EP400: variants seen among roughly 807,000 people sequenced by gnomAD.
The protein encoded by EP400 is E1A binding protein p400.
In EP400, 105 loss-of-function variants were observed where a neutral mutation model predicts 354.1. That is an observed-to-expected ratio of 0.30 (90% CI 0.25 to 0.35). The LOEUF is 0.35. Among genes scored for constraint, EP400 ranks in the 10% least tolerant of loss-of-function variants. The pLI is 1.00. For missense variants in EP400, 3,280 were observed against 4,121.0 expected (o/e 0.80, Z 5.59); for synonymous variants, 1,646 against 1,716.9 (o/e 0.96, Z 1.02).
rs1358184849 is a variant in EP400 at position 132,052,904 on chromosome 12, G to A, written c.7395-242G>A. Reference sequence around the variant, plus strand: ...CCACAAGTACGCTGGGGACGTGTTCGGAGATACTTTTCCTGGAGAGTGGGA... The same window carrying A: ...CCACAAGTACGCTGGGGACGTGTTCAGAGATACTTTTCCTGGAGAGTGGGA... On this transcript the variant is annotated intron_variant, in intron 41 of 52. Coordinates refer to ENST00000389561, the MANE Select transcript of EP400 (RefSeq NM_015409.5). This position sits in a 1 kb window ranked among gnomAD's most constrained non-coding sequence, Gnocchi z 4.4. Among the ~76,000 whole-genome samples, 2 of 152,084 alleles carry A rather than the reference G, an allele frequency of 1.3e-5. No homozygotes were observed. The highest frequency in any genetic ancestry group is 2.9e-5 in the Non-Finnish European group (2 of 68,014).
At position 132,050,528 on chromosome 12, in the gene EP400, G is replaced by A. The variant is rs1172245255; in HGVS notation, c.7337+69G>A. On this transcript the variant is annotated intron_variant, in intron 40 of 52. Transcript: ENST00000389561. This position sits in a 1 kb window ranked among gnomAD's most constrained non-coding sequence, Gnocchi z 4.8. ...AGATTGCGTGAAGCTTGGTTTTGAT[G>A]TGTTTTTAACATACCCTTCTTCAGA... 1 of 1,612,886 alleles carries A rather than the reference G, an allele frequency of 6.2e-7. No individual in the cohort carries two copies. The highest frequency in any genetic ancestry group is 8.5e-7 in the Non-Finnish European group (1 of 1,178,960).
At position 132,013,789 on chromosome 12, in the gene EP400, T is replaced by C; in HGVS notation, c.3799T>C (p.Phe1267Leu). Reference protein sequence around the residue: ...VIRLHRVTQPFILRRTKRDVE... With the variant: ...VIRLHRVTQPLILRRTKRDVE... ...TTTTTATTTTCAGGTGACACAGCCA[T>C]TTATTTTGAGGAGAACTAAGAGAGA... Residue 1267 changes from phenylalanine (F) to leucine (L), a missense_variant, in exon 19 of 53, where the codon TTT becomes CTT. By Grantham distance (22) the Phe-to-Leu change is conservative. Around this residue, in one of 20 missense-constraint regions of EP400, gnomAD observed 242 missense variants for 357.9 expected, o/e 0.68. Coordinates refer to ENST00000389561, the MANE Select transcript of EP400 (RefSeq NM_015409.5). This position sits in a 1 kb window ranked among gnomAD's most constrained non-coding sequence, Gnocchi z 4.5. 1 of 1,613,642 alleles carries C rather than the reference T, an allele frequency of 6.2e-7. No individual in the cohort carries two copies. Among genetic ancestry groups the C allele is most frequent in the Non-Finnish European group, 8.5e-7 (1 of 1,179,858 alleles).
chr12:131,965,201 C>T (rs1032088608), intron 2 of EP400, among the ~76,000 whole-genome samples: 2 of 152,232 alleles, frequency 1.3e-5, no homozygotes, highest in Non-Finnish European at 2.9e-5. Flanking sequence ...TTAACTCTGA[C>T]CACTTCGTTA....
Position 132,006,714 on chromosome 12 carries a change from T to C in EP400, c.3141T>C (p.Ala1047=), listed in dbSNP as rs983902272. 1.3e-6 allele frequency: 2 copies of C among 1,596,128 alleles called. No individual in the cohort carries two copies. The highest frequency in any genetic ancestry group is 1.7e-6 in the Non-Finnish European group (2 of 1,173,364). Residue 1047 remains alanine (A), a synonymous_variant, in exon 15 of 53, where the codon GCT becomes GCC. Coordinates refer to ENST00000389561, the MANE Select transcript of EP400 (RefSeq NM_015409.5). ...ARVTTSVKFN[A]PSLLYGALRD... ...CATCACTGCAGGTCAAGTTTAATGC[T>C]CCATCTTTGTTGTATGGGGCTCTCA...
rs11246888 is a variant in EP400, at chr12:131,990,391, G to A, written c.2551-245G>A. On this transcript the variant is annotated intron_variant, in intron 8 of 52. Coordinates refer to ENST00000389561, the MANE Select transcript of EP400 (RefSeq NM_015409.5). The surrounding 1 kb of genome is among the most constrained non-coding windows in gnomAD (Gnocchi z 4.2). ...CAGGGTTAGCGTGAGTCACCACCACGGTTACTTCTAGAGCGGTCGCTCGCT... is the reference window on the plus strand; with the variant it reads ...CAGGGTTAGCGTGAGTCACCACCACAGTTACTTCTAGAGCGGTCGCTCGCT... Among the ~76,000 whole-genome samples, 3,427 of 152,258 alleles carry A rather than the reference G, an allele frequency of 0.023. 56 individuals carry two copies. The highest frequency in any genetic ancestry group is 0.035 in the Non-Finnish European group (2,414 of 68,018).
chr12:131,966,662 C>T (rs955198749), intron 2 of EP400, among the ~76,000 whole-genome samples: 21 of 149,444 alleles, frequency 1.4e-4, no homozygotes, highest in Non-Finnish European at 3.0e-5. Flanking sequence ...CCAGCACTTT[C>T]GGAGGCTGAG....
intron 1 of EP400, among the ~76,000 whole-genome samples, chr12:131,952,556 T>C (rs182697360): frequency 6.6e-6 from 1 of 152,208 alleles, no homozygotes; most frequent in Non-Finnish European, 1.5e-5. Flanking sequence ...TGTGACTTCT[T>C]GAGCTCAAGT....
rs756238646 is a variant in EP400, at chr12:132,069,549, G to A, written c.8929G>A (p.Ala2977Thr). The A allele has an allele frequency of 4.3e-6, 7 of 1,614,102 alleles. No individual in the cohort carries two copies. Among genetic ancestry groups the A allele is most frequent in the Admixed American group, 3.3e-5 (2 of 60,010 alleles). ...PGAQQKVAYA[A>T]QPALKTQFLT... ...CGCGCAGCAGAAGGTTGCCTACGCC[G>A]CGCAGCCGGCCCTTAAGACCCAGTT... Residue 2977 changes from alanine (A) to threonine (T), a missense_variant, in exon 51 of 53, where the codon GCG (alanine) becomes ACG (threonine). Physicochemically the swap from Ala to Thr is moderately conservative, Grantham distance 58. This residue lies in a region of EP400 where 279 missense variants were observed against 386.7 expected (regional missense o/e 0.72). Coordinates refer to ENST00000389561, the MANE Select transcript of EP400 (RefSeq NM_015409.5).
rs1356715976 is a variant in EP400, at chr12:132,044,310, T to C, written c.6584T>C (p.Met2195Thr). Residue 2195 changes from methionine to threonine, a missense_variant and splice_region_variant, in exon 35 of 53, where the codon ATG becomes ACG. Met to Thr is a moderately conservative substitution (Grantham distance 81). Around this residue, in one of 20 missense-constraint regions of EP400, gnomAD observed 231 missense variants for 257.9 expected, o/e 0.90. Coordinates refer to ENST00000389561, the MANE Select transcript of EP400 (RefSeq NM_015409.5). ...LTYTREDAYS[M>T]EYVYEDVDGQ... ...TACACGCGAGAGGATGCCTACAGCA[T>C]GGTACCCGGCCCGGGGCCCTCCTGC... 1.2e-6 allele frequency: 2 copies of C among 1,612,782 alleles called. No homozygotes were observed. Among genetic ancestry groups the C allele is most frequent in the Non-Finnish European group, 1.7e-6 (2 of 1,179,238 alleles).
chr12:131,964,732 T>G (rs1892015551), intron 2 of EP400, among the ~76,000 whole-genome samples: 1 of 152,240 alleles, frequency 6.6e-6, no homozygotes, highest in South Asian at 2.1e-4. Context: ...AAACATCATA[T>G]CCTATTCTTT....
intron 36 of EP400, 36 bp from the exon 37 acceptor site, chr12:132,044,764 G>A (rs1326151203): frequency 1.5e-5 from 25 of 1,614,026 alleles, no homozygotes; most frequent in Non-Finnish European, 2.1e-5. Flanking sequence ...CTTCCTGTGA[G>A]TTCCACATCT....
At position 132,044,504 on chromosome 12, in the gene EP400, CAGTT is replaced by C. The variant is rs375940757; in HGVS notation, c.6586-164_6586-161del. ...TTAAAAATTGACACTTGGAGATTGTCAGTTAGATATTGACCAGCTCTGATTAAAA... is the reference window on the plus strand; with the variant it reads ...TTAAAAATTGACACTTGGAGATTGTCAGATATTGACCAGCTCTGATTAAAA... On this transcript the variant is annotated intron_variant, in intron 35 of 52. Coordinates refer to ENST00000389561, the MANE Select transcript of EP400 (RefSeq NM_015409.5). Among the ~76,000 whole-genome samples the C allele has an allele frequency of 2.1e-4, 32 of 152,240 alleles. No homozygotes were observed. In the East Asian group the frequency reaches 2.5e-3, roughly 12 times the overall value.
chr12:132,043,837 C>T (rs1894993843), intron 34 of EP400, 109 bp downstream of exon 34: 3 of 1,009,232 alleles, frequency 3.0e-6, no homozygotes, highest in Non-Finnish European at 4.4e-6. Flanking sequence ...AAAGCCAAAA[C>T]CCACAAGTAT....
In EP400 at chr12:132,077,580, C is replaced by T. The variant is rs138013052; in HGVS notation, c.9279C>T (p.Pro3093=). Residue 3093 remains proline, a synonymous_variant, in exon 53 of 53, where the codon CCC becomes CCT. Coordinates refer to ENST00000389561, the MANE Select transcript of EP400 (RefSeq NM_015409.5). ...TPGAPNPAQV[P]ASSDSPSQQP... The stretch of plus-strand genomic sequence containing the variant: ...GCGCTCCCAACCCAGCCCAGGTGCC[C>T]GCCAGCTCCGACAGCCCAAGCCAGC... 702 of 1,613,702 alleles carry T rather than the reference C, an allele frequency of 4.4e-4. 2 individuals carry two copies. Among genetic ancestry groups the T allele is most frequent in the Non-Finnish European group, 5.3e-4 (629 of 1,179,928 alleles).
rs947665312 is a variant in EP400, at chr12:132,070,478, G to C, written c.9021+837G>C. On this transcript the variant is annotated intron_variant, in intron 51 of 52. Coordinates refer to ENST00000389561, the MANE Select transcript of EP400 (RefSeq NM_015409.5). This position sits in a 1 kb window ranked among gnomAD's most constrained non-coding sequence, Gnocchi z 4.1. Reference sequence around the variant, plus strand: ...GTCCCACGGCGCTCTCGCTATGAGCGGCAGTGACACTTGGTGTCTGGAGGG... The same window carrying C: ...GTCCCACGGCGCTCTCGCTATGAGCCGCAGTGACACTTGGTGTCTGGAGGG... Among the ~76,000 whole-genome samples the C allele has an allele frequency of 1.3e-5, 2 of 152,252 alleles. No individual in the cohort carries two copies. The highest frequency in any genetic ancestry group is 2.9e-5 in the Non-Finnish European group (2 of 68,040).
rs1478051234 is a variant in EP400 at position 132,017,123 on chromosome 12, A to G, written c.3924-412A>G. On this transcript the variant is annotated intron_variant, in intron 19 of 52. Coordinates refer to ENST00000389561, the MANE Select transcript of EP400 (RefSeq NM_015409.5). The surrounding 1 kb of genome is among the most constrained non-coding windows in gnomAD (Gnocchi z 5.0). The stretch of plus-strand genomic sequence containing the variant: ...AGGGCATGGACCTGGGTCCTCGTCT[A>G]CCCCCGCTCACTGCCTGCAGGGCCA... Among the ~76,000 whole-genome samples the G allele has an allele frequency of 3.3e-5, 5 of 151,704 alleles. No individual in the cohort carries two copies. The highest frequency in any genetic ancestry group is 1.2e-4 in the African/African-American group (5 of 41,268).
Position 131,995,781 on chromosome 12 carries a change from T to C in EP400, c.2827+825T>C, listed in dbSNP as rs112104951. ...AGCTTGACTGAATGTACCGTTCATC[T>C]TGAGTGTGTGAGAACTTCATGTGAA... On this transcript the variant is annotated intron_variant, in intron 12 of 52. Coordinates refer to ENST00000389561, the MANE Select transcript of EP400 (RefSeq NM_015409.5). Among the ~76,000 whole-genome samples, 490 of 100,482 alleles carry C rather than the reference T, an allele frequency of 4.9e-3. 2 individuals are homozygous for C. The highest frequency in any genetic ancestry group is 0.015 in the African/African-American group (268 of 18,040). The allele number at this position is 100,482 out of a possible 152,430, so 65.9% of individuals were successfully genotyped here.
chr12:131,995,514 T>C (rs1893178708), intron 12 of EP400, among the ~76,000 whole-genome samples: 1 of 150,506 alleles, frequency 6.6e-6, no homozygotes, highest in Non-Finnish European at 1.5e-5. Context: ...CTTGACTGAA[T>C]GTACCGTTCA....
chr12:132,030,565 C>T (rs1894454555), intron 29 of EP400, among the ~76,000 whole-genome samples: 1 of 152,218 alleles, frequency 6.6e-6, no homozygotes. Context: ...GTCAGACACT[C>T]TCATATCCTC....
Sources: allele counts gnomAD v4.1 joint callset (sites outside exome capture counted in the v4.1 genomes callset), GRCh38; gene constraint gnomAD v4.1.1; regional missense constraint gnomAD v4.1.1; non-coding constraint Gnocchi (gnomAD v3.1); transcripts MANE v1.5; gene names NCBI Gene and HGNC (gene_info 2026-07-23, HGNC 2026-07-21).